ADAMTSL1: variants seen among roughly 807,000 people sequenced by gnomAD.
ADAMTSL1 encodes the protein ADAMTS-like protein 1.
Under a neutral mutation model 201.8 loss-of-function variants are expected in ADAMTSL1, and 126 were observed. The ratio of observed to expected loss-of-function variants is 0.62; its 90% CI spans 0.54 to 0.72. The LOEUF is 0.72. ADAMTSL1 is among the 30% of genes least tolerant of loss of function. The pLI is 0.00. For missense variants in ADAMTSL1, 2,679 were observed against 2,277.8 expected, an observed-to-expected ratio of 1.18 and a Z score of -3.59; for synonymous variants, 1,121 against 903.4, an observed-to-expected ratio of 1.24 and a Z score of -4.32.
intron 2 of ADAMTSL1, among the ~76,000 whole-genome samples, chr9:18,433,467 A>C (rs73417078): frequency 1.3e-5 from 2 of 152,246 alleles, no homozygotes; most frequent in African/African-American, 4.8e-5. Context: ...TTAATGTAAT[A>C]TTGCCATTAA....
intron 2 of ADAMTSL1, among the ~76,000 whole-genome samples, chr9:18,223,598 T>TTATTTTTCAAA (rs1487708513): frequency 1.3e-5 from 2 of 152,158 alleles, no homozygotes; most frequent in Non-Finnish European, 2.9e-5. Context: ...TTCAATTTGT[T>TTATTTTTCAAA]TATTTTTCAA....
chr9:18,831,413 C>T (rs1265506738), intron 23 of ADAMTSL1, among the ~76,000 whole-genome samples: 1 of 152,182 alleles, frequency 6.6e-6, no homozygotes, highest in African/African-American at 2.4e-5. Flanking sequence ...TGGTCACAAG[C>T]AGGGTGGCAG....
chr9:18,853,918 T>TGTGTGTGTGTGTGTGTGCGCAC (rs139332733), intron 23 of ADAMTSL1, among the ~76,000 whole-genome samples: 1 of 145,382 alleles, frequency 6.9e-6, no homozygotes, highest in Non-Finnish European at 1.5e-5. Flanking sequence ...TGTGTGTGTG[T>TGTGTGTGTGTGTGTGTGCGCAC]GCGCGTGCAT....
intron 1 of ADAMTSL1, among the ~76,000 whole-genome samples, chr9:18,003,568 C>T (rs1819697008): frequency 6.6e-6 from 1 of 152,082 alleles, no homozygotes; most frequent in Non-Finnish European, 1.5e-5. Context: ...AAAGACTTAC[C>T]ATTTGGATTG....
At chr9:18,582,298 A>G (rs2132418546) in intron 4 of ADAMTSL1, among the ~76,000 whole-genome samples, 1 of 152,248 alleles carries the variant, frequency 6.6e-6, no homozygotes, top group East Asian at 1.9e-4. Flanking sequence ...CTCACATTTT[A>G]CTATAAGTAC....
At chr9:18,346,250 A>T (rs529319421) in intron 2 of ADAMTSL1, among the ~76,000 whole-genome samples, 1 of 152,272 alleles carries the variant, frequency 6.6e-6, no homozygotes, top group East Asian at 1.9e-4. Flanking sequence ...ACTTTTGCCT[A>T]TTAATGTTCC....
chr9:18,226,854 A>C (rs1830449736), intron 2 of ADAMTSL1, among the ~76,000 whole-genome samples: 1 of 152,182 alleles, frequency 6.6e-6, no homozygotes, highest in African/African-American at 2.4e-5. Flanking sequence ...AATGAATAAT[A>C]ATCATGAATC....
chr9:18,048,888 T>A (rs567487920), intron 1 of ADAMTSL1, among the ~76,000 whole-genome samples: 1 of 152,110 alleles, frequency 6.6e-6, no homozygotes. Flanking sequence ...ACAACAGAAA[T>A]GTACTTTTTG....
chr9:18,361,169 AG>A (rs1372657141), intron 2 of ADAMTSL1, among the ~76,000 whole-genome samples: 3 of 152,002 alleles, frequency 2.0e-5, no homozygotes, highest in Non-Finnish European at 4.4e-5. Flanking sequence ...GAATAGCATG[AG>A]AAAAAACAAA....
intron 21 of ADAMTSL1, among the ~76,000 whole-genome samples, chr9:18,823,786 C>G (rs984411209): frequency 1.3e-5 from 2 of 152,160 alleles, no homozygotes; most frequent in East Asian, 3.9e-4. Flanking sequence ...GTCAGGAGTT[C>G]AACGCCAGCC....
intron 1 of ADAMTSL1, among the ~76,000 whole-genome samples, chr9:18,138,624 G>C (rs1826260364): frequency 6.6e-6 from 1 of 152,136 alleles, no homozygotes; most frequent in South Asian, 2.1e-4. Flanking sequence ...TTCGTAGTGT[G>C]ACTGTTCTAA....
At chr9:18,769,364 C>A (rs1187282307) in intron 16 of ADAMTSL1, among the ~76,000 whole-genome samples, 2 of 152,196 alleles carry the variant, frequency 1.3e-5, no homozygotes, top group Non-Finnish European at 2.9e-5. Flanking sequence ...TGACAAGAAA[C>A]TATTCTGGAA....
intron 2 of ADAMTSL1, among the ~76,000 whole-genome samples, chr9:18,457,632 C>A (rs1046856849): frequency 6.6e-6 from 1 of 152,158 alleles, no homozygotes; most frequent in Non-Finnish European, 1.5e-5. Flanking sequence ...CTGCACCCGA[C>A]CAGAAGAATT....
chr9:18,611,194 A>T (rs1352798854), intron 4 of ADAMTSL1, among the ~76,000 whole-genome samples: 1 of 152,188 alleles, frequency 6.6e-6, no homozygotes. Context: ...ACAATTCACA[A>T]AGAATTACAG....
At chr9:18,383,422 A>C (rs1412493963) in intron 2 of ADAMTSL1, among the ~76,000 whole-genome samples, 1 of 152,146 alleles carries the variant, frequency 6.6e-6, no homozygotes, top group East Asian at 1.9e-4. Flanking sequence ...GGCCTAGGAC[A>C]GAGAAATAGT....
intron 15 of ADAMTSL1, among the ~76,000 whole-genome samples, chr9:18,733,280 T>C (rs1027839236): frequency 6.6e-6 from 1 of 152,238 alleles, no homozygotes; most frequent in African/African-American, 2.4e-5. Flanking sequence ...CTTCATCTTA[T>C]ACTCTCAGTT....
intron 1 of ADAMTSL1, among the ~76,000 whole-genome samples, chr9:18,142,184 C>G (rs1244342157): frequency 6.6e-6 from 1 of 152,200 alleles, no homozygotes; most frequent in African/African-American, 2.4e-5. Context: ...CTTCTACCAT[C>G]AAGTTACAGA....
At chr9:18,568,808 A>G (rs1001568366) in intron 3 of ADAMTSL1, among the ~76,000 whole-genome samples, 3 of 151,722 alleles carry the variant, frequency 2.0e-5, no homozygotes, top group Admixed American at 1.3e-4. Flanking sequence ...TCAGATACCA[A>G]TATTGATTCT....
intron 23 of ADAMTSL1, among the ~76,000 whole-genome samples, chr9:18,849,732 T>A (rs1252991603): frequency 6.6e-6 from 1 of 152,200 alleles, no homozygotes. Flanking sequence ...AGGTTTTATG[T>A]CACAAGGAAA....
Sources: gnomAD v4.1 joint callset for allele counts (sites outside exome capture counted in the v4.1 genomes callset) on GRCh38, gnomAD v4.1.1 for gene constraint, MANE v1.5 for transcripts, NCBI Gene and HGNC (gene_info 2026-07-23, HGNC 2026-07-21) for gene names.